The following KIZ variants were observed in gnomAD, a reference collection of about 807,000 sequenced individuals.
The protein encoded by KIZ is kizuna centrosomal protein, also known as centrosomal protein kizuna.
Under a neutral mutation model 79.6 loss-of-function variants are expected in KIZ, and 68 were observed. The observed-to-expected ratio is 0.85, with a 90% CI of 0.70 to 1.05. The LOEUF (loss-of-function observed/expected upper bound fraction) is 1.05. Ranked by LOEUF, KIZ falls within the 50% of genes least tolerant of loss-of-function variation. The pLI, the probability that KIZ is intolerant of heterozygous loss-of-function variation, is 0.00. For synonymous variants in KIZ, 280 were observed against 281.8 expected (o/e 0.99, Z 0.06); for missense variants, 797 against 800.4 (o/e 1.00, Z 0.05).
intron 11 of KIZ, among the ~76,000 whole-genome samples, chr20:21,233,224 G>C (rs1406534251): frequency 6.6e-6 from 1 of 152,178 alleles, no homozygotes; most frequent in Non-Finnish European, 1.5e-5. Context: ...ATATAAACTA[G>C]TAATTGCTGG....
intron 12 of KIZ, chr20:21,246,148 AG>A (rs771270223): frequency 2.2e-4 from 58 of 265,116 alleles, no homozygotes; most frequent in Non-Finnish European, 3.5e-4. Context: ...GGGCGGCATC[AG>A]GCTGATACAA....
At chr20:21,168,688 C>T (rs1653343473) in intron 6 of KIZ, among the ~76,000 whole-genome samples, 1 of 152,146 alleles carries the variant, frequency 6.6e-6, no homozygotes, top group South Asian at 2.1e-4. Context: ...AACTATACTA[C>T]AAGGCTACAG....
chr20:21,204,616 CT>C lies in KIZ; in HGVS notation c.1353-871del, dbSNP rs1487038475. Among the ~76,000 whole-genome samples the C allele has an allele frequency of 2.0e-5, 3 of 151,456 alleles. No homozygotes were observed. The East Asian group carries it at 5.8e-4, about 30-fold the overall frequency. ...AGATATCCCCTCCCCACCTTCAGTT[CT>C]TTTGATACAACTTTGAGAGCTTCCT... is the stretch of plus-strand genomic sequence containing the variant. On this transcript the variant is annotated intron_variant, in intron 6 of 12. Transcript: ENST00000619189.
intron 2 of KIZ, among the ~76,000 whole-genome samples, chr20:21,135,736 G>A (rs1054051457): frequency 6.6e-6 from 1 of 152,146 alleles, no homozygotes; most frequent in Non-Finnish European, 1.5e-5. Flanking sequence ...GAACTATCCA[G>A]TATGTTTTTT....
chr20:21,133,811 C>G (rs1042278170), intron 2 of KIZ, among the ~76,000 whole-genome samples: 6 of 152,200 alleles, frequency 3.9e-5, no homozygotes, highest in African/African-American at 1.4e-4. Context: ...CAGTGAGCAC[C>G]TGGGGCTCAG....
intron 12 of KIZ, 27 bp from the exon 13 acceptor site, chr20:21,246,452 A>T: frequency 7.0e-7 from 1 of 1,419,732 alleles, no homozygotes; most frequent in Non-Finnish European, 9.9e-7. Context: ...CAAAAATGTT[A>T]AATAACTGTC....
At chr20:21,200,697 ACCT>A (rs750577729) in intron 6 of KIZ, among the ~76,000 whole-genome samples, 1 of 151,936 alleles carries the variant, frequency 6.6e-6, no homozygotes, top group Non-Finnish European at 1.5e-5. Flanking sequence ...CCTGCCACTC[ACCT>A]CCTGCTTTGT....
At chr20:21,208,787 C>T (rs1401984608) in intron 7 of KIZ, among the ~76,000 whole-genome samples, 2 of 151,976 alleles carry the variant, frequency 1.3e-5, no homozygotes, top group Non-Finnish European at 2.9e-5. Context: ...AGAATATTAC[C>T]AAAATGATGC....
At chr20:21,157,556 T>C (rs182241413) in intron 4 of KIZ, among the ~76,000 whole-genome samples, 6 of 152,340 alleles carry the variant, frequency 3.9e-5, no homozygotes, top group African/African-American at 1.4e-4. Flanking sequence ...TCTGAAGCAT[T>C]TACTATAAGT....
intron 6 of KIZ, among the ~76,000 whole-genome samples, chr20:21,166,968 G>A (rs898769554): frequency 8.5e-5 from 13 of 152,194 alleles, no homozygotes; most frequent in African/African-American, 3.1e-4. Context: ...TTGTGGGAAA[G>A]ACCACATGAC....
At chr20:21,237,587 C>T (rs1229040250) in intron 11 of KIZ, among the ~76,000 whole-genome samples, 1 of 152,130 alleles carries the variant, frequency 6.6e-6, no homozygotes, top group Non-Finnish European at 1.5e-5. Context: ...CATGTCATGC[C>T]CGCGTATGAC....
intron 6 of KIZ, among the ~76,000 whole-genome samples, chr20:21,174,196 C>A (rs1053528546): frequency 1.3e-5 from 2 of 152,176 alleles, no homozygotes; most frequent in Non-Finnish European, 2.9e-5. Flanking sequence ...TTCCACCACC[C>A]AAATCACAAC....
chr20:21,143,493 C>A (rs2032685399), intron 3 of KIZ, among the ~76,000 whole-genome samples: 1 of 152,166 alleles, frequency 6.6e-6, no homozygotes. Context: ...CCAGAACCTC[C>A]ATCAATCCTC....
At chr20:21,199,060 G>T (rs549773557) in intron 6 of KIZ, among the ~76,000 whole-genome samples, 8 of 152,116 alleles carry the variant, frequency 5.3e-5, no homozygotes, top group African/African-American at 1.9e-4. Flanking sequence ...GCATGGGAAG[G>T]ATATATGCAT....
chr20:21,142,716 TG>T (rs2032628342), intron 3 of KIZ, among the ~76,000 whole-genome samples: 1 of 152,010 alleles, frequency 6.6e-6, no homozygotes, highest in Non-Finnish European at 1.5e-5. Flanking sequence ...AGATTAAGCC[TG>T]GGAGGTTGAA....
At chr20:21,207,122 A>G (rs2035857992) in intron 7 of KIZ, among the ~76,000 whole-genome samples, 1 of 152,078 alleles carries the variant, frequency 6.6e-6, no homozygotes, top group South Asian at 2.1e-4. Context: ...TATTGTTACC[A>G]TGCTCATAGT....
At chr20:21,180,154 G>A (rs751952178) in intron 6 of KIZ, among the ~76,000 whole-genome samples, 6 of 150,078 alleles carry the variant, frequency 4.0e-5, no homozygotes, top group Non-Finnish European at 8.9e-5. Flanking sequence ...GAATACTGAA[G>A]TCTCCCACCA....
chr20:21,159,178 A>T lies in KIZ; in HGVS notation c.406-2693A>T, dbSNP rs3886735. Among the ~76,000 whole-genome samples the T allele has an allele frequency of 8.5e-3, 1,294 of 151,476 alleles. 34 individuals carry two copies. The highest frequency in any genetic ancestry group is 0.042 in the Admixed American group (636 of 15,224). On this transcript the variant is annotated intron_variant, in intron 4 of 12. Transcript: ENST00000619189. ...GCCCAAATATTTTTTAATTAAAAAA[A>T]TTTTTTTTAATTTTTAATTTTGTAG...
chr20:21,237,680 G>C (rs1758982563), intron 11 of KIZ, among the ~76,000 whole-genome samples: 1 of 152,148 alleles, frequency 6.6e-6, no homozygotes, highest in African/African-American at 2.4e-5. Context: ...ATTTTTCAAG[G>C]CTTAACCTTC....
Sources: gnomAD v4.1 joint callset for allele counts (sites outside exome capture counted in the v4.1 genomes callset) on GRCh38, gnomAD v4.1.1 for gene constraint, MANE v1.5 for transcripts, NCBI Gene and HGNC (gene_info 2026-07-23, HGNC 2026-07-21) for gene names.